The following GRPEL2 variants were observed in gnomAD, a reference collection of about 807,000 sequenced individuals.
GRPEL2 encodes GrpE like 2, mitochondrial, also known as grpE protein homolog 2, mitochondrial.
A neutral mutation model predicts 25.9 loss-of-function variants in GRPEL2; 18 were observed. The ratio of observed to expected loss-of-function variants is 0.70; its 90% CI spans 0.48 to 1.03. The LOEUF (loss-of-function observed/expected upper bound fraction) is 1.03. Ranked by LOEUF, GRPEL2 falls within the 50% of genes least tolerant of loss-of-function variation. The pLI, the probability that GRPEL2 is intolerant of heterozygous loss-of-function variation, is 0.00. For missense variants in GRPEL2, 247 were observed against 276.2 expected, an observed-to-expected ratio of 0.89 and a Z score of 0.75; for synonymous variants, 106 against 107.9, an observed-to-expected ratio of 0.98 and a Z score of 0.11.
chr5:149,349,822 G>C (rs937642123), intron 3 of GRPEL2, 87 bp downstream of exon 3: 2 of 928,118 alleles, frequency 2.2e-6, no homozygotes, highest in East Asian at 2.6e-5. Flanking sequence ...GTCTAAGGCT[G>C]TCAGATCACA....
rs948246136 is a variant in GRPEL2 at position 149,353,417 on chromosome 5, A to G, written c.*2135A>G. 6 of 152,204 alleles carry G rather than the reference A, an allele frequency of 3.9e-5. No individual in the cohort carries two copies. Among genetic ancestry groups the G allele is most frequent in the Non-Finnish European group, 8.8e-5 (6 of 68,042 alleles). 9.4% of individuals were successfully genotyped at this position (152,204 alleles called of 1,614,324 possible). ...TTACCAGTTAGAATTAACATTAATT[A>G]CAATTAACAATAATTTTAGGTATGG... On this transcript the variant is annotated 3_prime_UTR_variant, in exon 4 of 4. Coordinates refer to ENST00000329271, the MANE Select transcript of GRPEL2 (RefSeq NM_152407.4).
Position 149,351,060 on chromosome 5 carries a change from A to C in GRPEL2, c.456A>C (p.Ala152=). Residue 152 remains alanine (A), a synonymous_variant, in exon 4 of 4, where the codon GCA becomes GCC. Coordinates refer to ENST00000329271, the MANE Select transcript of GRPEL2 (RefSeq NM_152407.4). ...KVFRGLLLLE[A]KLKSVFAKHG... ...TCCGAGGGTTGTTGCTTTTAGAAGCAAAGCTGAAAAGTGTGTTTGCCAAGC... is the reference window on the plus strand; with the variant it reads ...TCCGAGGGTTGTTGCTTTTAGAAGCCAAGCTGAAAAGTGTGTTTGCCAAGC... 1 of 1,614,264 alleles carries C rather than the reference A, an allele frequency of 6.2e-7. No homozygotes were observed. Among genetic ancestry groups the C allele is most frequent in the Non-Finnish European group, 8.5e-7 (1 of 1,180,048 alleles).
chr5:149,349,927 C>A, intron 3 of GRPEL2, 192 bp downstream of exon 3: 1 of 575,010 alleles, frequency 1.7e-6, no homozygotes, highest in South Asian at 2.2e-5. Context: ...GCCTGTAATC[C>A]CAGCTACTCT....
chr5:149,345,713 G>A (rs757915161), intron 1 of GRPEL2, 97 bp downstream of exon 1: 1 of 1,029,756 alleles, frequency 9.7e-7, no homozygotes, highest in Non-Finnish European at 1.4e-6. Flanking sequence ...AGCTATCTGA[G>A]CGTAGGCCAG....
chr5:149,345,524 A>T lies in GRPEL2; in HGVS notation c.-16A>T. 6.2e-7 allele frequency: 1 copy of T among 1,608,268 alleles called. No individual in the cohort carries two copies. Among genetic ancestry groups the T allele is most frequent in the Non-Finnish European group, 8.5e-7 (1 of 1,177,520 alleles). On this transcript the variant is annotated 5_prime_UTR_variant, in exon 1 of 4. Coordinates refer to ENST00000329271, the MANE Select transcript of GRPEL2 (RefSeq NM_152407.4). ...AGCAAGTGCGCGTGCGCTGCCTCTC[A>T]GCCCAAATTGGAAACATGGCCGTAC...
chr5:149,351,155 T>C lies in GRPEL2; in HGVS notation c.551T>C (p.Val184Ala). 1 of 1,614,194 alleles carries C rather than the reference T, an allele frequency of 6.2e-7. No homozygotes were observed. The highest frequency in any genetic ancestry group is 8.5e-7 in the Non-Finnish European group (1 of 1,180,036). The change falls in exon 4 of 4, where the codon GTG becomes GCG. Residue 184 changes from valine (V) to alanine (A), a missense_variant. Coordinates refer to ENST00000329271, the MANE Select transcript of GRPEL2 (RefSeq NM_152407.4). Reference protein sequence around the residue: ...DPHEHELICHVPAGVGVQPGT... With the variant: ...DPHEHELICHAPAGVGVQPGT... Reference sequence around the variant, plus strand: ...CATGAGCATGAACTCATCTGTCATGTGCCAGCTGGTGTTGGGGTGCAGCCT... The same window carrying C: ...CATGAGCATGAACTCATCTGTCATGCGCCAGCTGGTGTTGGGGTGCAGCCT...
chr5:149,349,787 T>C (rs960335891), intron 3 of GRPEL2, 52 bp downstream of exon 3: 2 of 1,312,400 alleles, frequency 1.5e-6, no homozygotes. Context: ...CAGTGGCTTA[T>C]GCCTGTAATC....
At position 149,353,511 on chromosome 5, in the gene GRPEL2, C is replaced by G. The variant is rs989635894; in HGVS notation, c.*2229C>G. ...AAGTGATCCTCCCACCTCAGCCTAC[C>G]AAGTAGCCAGGACCACAGGCAAGTG... On this transcript the variant is annotated 3_prime_UTR_variant, in exon 4 of 4. Coordinates refer to ENST00000329271, the MANE Select transcript of GRPEL2 (RefSeq NM_152407.4). 6.6e-6 allele frequency: 1 copy of G among 151,942 alleles called. No individual in the cohort carries two copies. Among genetic ancestry groups the G allele is most frequent in the African/African-American group, 2.4e-5 (1 of 41,366 alleles). 9.4% of individuals were successfully genotyped at this position (151,942 alleles called of 1,614,324 possible).
At chr5:149,350,186 G>A (rs769609166) in intron 3 of GRPEL2, among the ~76,000 whole-genome samples, 7 of 152,178 alleles carry the variant, frequency 4.6e-5, no homozygotes, top group Non-Finnish European at 7.3e-5. Context: ...CTTTGGTATC[G>A]TGTCATAGAC....
rs538529742 is a variant in GRPEL2 at position 149,353,275 on chromosome 5, C to T, written c.*1993C>T. On this transcript the variant is annotated 3_prime_UTR_variant, in exon 4 of 4. Coordinates refer to ENST00000329271, the MANE Select transcript of GRPEL2 (RefSeq NM_152407.4). ...GTAAATTTAATGAACAATCAAGGTTCACAATAGGAAGTTGTCTTTTTTTGC... is the reference window on the plus strand; with the variant it reads ...GTAAATTTAATGAACAATCAAGGTTTACAATAGGAAGTTGTCTTTTTTTGC... 1.3e-4 allele frequency: 20 copies of T among 152,718 alleles called. No individual in the cohort carries two copies. The highest frequency in any genetic ancestry group is 1.1e-3 in the Admixed American group (17 of 15,294). 9.5% of individuals were successfully genotyped at this position (152,718 alleles called of 1,614,324 possible).
intron 1 of GRPEL2, among the ~76,000 whole-genome samples, chr5:149,347,299 T>C (rs1204394724): frequency 6.6e-6 from 1 of 152,236 alleles, no homozygotes; most frequent in East Asian, 1.9e-4. Flanking sequence ...CTGACTCCTT[T>C]ACCCTCTTTA....
intron 3 of GRPEL2, 61 bp from the exon 4 acceptor site, chr5:149,350,855 ACT>A (rs1757762944): frequency 2.6e-6 from 4 of 1,568,216 alleles, no homozygotes; most frequent in Non-Finnish European, 3.5e-6. Context: ...CCTTACCCAA[ACT>A]CTATGCCCAC....
In GRPEL2 at chr5:149,345,618, T is replaced by C. The variant is rs1561693832; in HGVS notation, c.77+2T>C. On this transcript the variant is annotated splice_donor_variant, in intron 1 of 3. Transcript: ENST00000329271. LOFTEE classifies it high-confidence loss of function. ...CTGGAGTGCCGCGTGGGAGAGCAAGTAAGCATTGCAGGCGGGGAGTCGGGA... is the reference window on the plus strand; with the variant it reads ...CTGGAGTGCCGCGTGGGAGAGCAAGCAAGCATTGCAGGCGGGGAGTCGGGA... 1 of 1,608,240 alleles carries C rather than the reference T, an allele frequency of 6.2e-7. No individual in the cohort carries two copies. Among genetic ancestry groups the C allele is most frequent in the Non-Finnish European group, 8.5e-7 (1 of 1,177,686 alleles).
intron 1 of GRPEL2, among the ~76,000 whole-genome samples, chr5:149,346,303 A>G (rs1318552723): frequency 6.6e-6 from 1 of 152,228 alleles, no homozygotes; most frequent in Non-Finnish European, 1.5e-5. Context: ...TAATTTTCTC[A>G]GAGACTGTTG....
chr5:149,346,703 C>G (rs982305790), intron 1 of GRPEL2, among the ~76,000 whole-genome samples: 5 of 134,156 alleles, frequency 3.7e-5, no homozygotes, highest in African/African-American at 1.4e-4. Context: ...TCCCTTTGAA[C>G]TGGCCCTGAG....
chr5:149,349,562 A>G (rs1757744083), intron 2 of GRPEL2, 92 bp from the exon 3 acceptor site: 1 of 898,324 alleles, frequency 1.1e-6, no homozygotes, highest in Non-Finnish European at 1.7e-6. Context: ...AAACCTATCA[A>G]AAGGGTGAAA....
chr5:149,352,096 T>C lies in GRPEL2; in HGVS notation c.*814T>C, dbSNP rs762854491. On this transcript the variant is annotated 3_prime_UTR_variant, in exon 4 of 4. Coordinates refer to ENST00000329271, the MANE Select transcript of GRPEL2 (RefSeq NM_152407.4). Reference sequence around the variant, plus strand: ...ATTTGGGTAATTTACCTACAACTTATTCCACCAGCCTTTACTCCTCTGCCC... The same window carrying C: ...ATTTGGGTAATTTACCTACAACTTACTCCACCAGCCTTTACTCCTCTGCCC... 7.2e-5 allele frequency: 11 copies of C among 152,234 alleles called. No homozygotes were observed. Among genetic ancestry groups the C allele is most frequent in the Admixed American group, 2.0e-4 (3 of 15,284 alleles). The allele number at this position is 152,234 out of a possible 1,614,324, so 9.4% of individuals were successfully genotyped here. A position where few individuals can be genotyped will look rare whatever the true frequency, so the allele number is the denominator to read the frequency against.
At position 149,354,427 on chromosome 5, in the gene GRPEL2, T is replaced by G. The variant is rs1744465684; in HGVS notation, c.*3145T>G. 6.6e-6 allele frequency: 1 copy of G among 152,200 alleles called. No individual in the cohort carries two copies. The highest frequency in any genetic ancestry group is 2.4e-5 in the African/African-American group (1 of 41,442). The allele number at this position is 152,200 out of a possible 1,614,324, so 9.4% of individuals were successfully genotyped here. ...TTGATATGTTATTTGGTGCTCTCAT[T>G]CATGGCAAAGGATTTGATAAATAAA... On this transcript the variant is annotated 3_prime_UTR_variant, in exon 4 of 4. Coordinates refer to ENST00000329271, the MANE Select transcript of GRPEL2 (RefSeq NM_152407.4).
chr5:149,347,117 C>T (rs1389680411), intron 1 of GRPEL2, among the ~76,000 whole-genome samples: 1 of 152,120 alleles, frequency 6.6e-6, no homozygotes, highest in Admixed American at 6.5e-5. Context: ...CCCAGATCTA[C>T]GGTGACCATA....
Sources: gnomAD v4.1 joint callset for allele counts (sites outside exome capture counted in the v4.1 genomes callset) on GRCh38, gnomAD v4.1.1 for gene constraint, MANE v1.5 for transcripts, NCBI Gene and HGNC (gene_info 2026-07-23, HGNC 2026-07-21) for gene names.